MEI4: variants seen among roughly 807,000 people sequenced by gnomAD.
The protein encoded by MEI4 is meiosis-specific protein MEI4.
A neutral mutation model predicts 31.4 loss-of-function variants in MEI4; 27 were observed. That is an observed-to-expected ratio of 0.86 (90% CI 0.63 to 1.19). The LOEUF is 1.19. Ranked by LOEUF, MEI4 falls within the 50% of genes most tolerant of loss-of-function variation. The pLI is 0.00. For synonymous variants in MEI4, 122 were observed against 145.4 expected, an observed-to-expected ratio of 0.84 and a Z score of 1.16; for missense variants, 329 against 398.9, an observed-to-expected ratio of 0.82 and a Z score of 1.49.
chr6:77,888,493 A>G (rs1771678927), intron 4 of MEI4, among the ~76,000 whole-genome samples: 2 of 152,026 alleles, frequency 1.3e-5, no homozygotes, highest in Admixed American at 1.3e-4. Context: ...TTGCTTCCAG[A>G]AGCAGGACTG....
intron 4 of MEI4, among the ~76,000 whole-genome samples, chr6:77,921,919 A>C (rs1364697396): frequency 6.6e-6 from 1 of 151,798 alleles, no homozygotes; most frequent in Non-Finnish European, 1.5e-5. Context: ...GTAACAGATA[A>C]AGTAACAGTG....
rs370015194 is a variant in MEI4, at chr6:77,783,149, C to G, written c.768+21484C>G. 6.6e-5 allele frequency among the ~76,000 whole-genome samples: 10 copies of G among 152,064 alleles called. No homozygotes were observed. The South Asian group carries it at 1.5e-3, about 22-fold the overall frequency. On this transcript the variant is annotated intron_variant, in intron 3 of 4. Transcript: ENST00000684080. ...AGTGATGACTATTTGAAAAATGGAG[C>G]CTTTCTGCCTTTTATTTCCTGGCAA...
intron 2 of MEI4, among the ~76,000 whole-genome samples, chr6:77,710,159 T>G (rs1023782297): frequency 6.6e-6 from 1 of 152,220 alleles, no homozygotes; most frequent in Non-Finnish European, 1.5e-5. Context: ...CATTTAACCT[T>G]TTTAACAGTA....
At chr6:77,823,019 A>C (rs1016328304) in intron 3 of MEI4, among the ~76,000 whole-genome samples, 1 of 152,146 alleles carries the variant, frequency 6.6e-6, no homozygotes, top group Non-Finnish European at 1.5e-5. Flanking sequence ...GATGACATTC[A>C]ATATTTGCTG....
chr6:77,696,775 C>T (rs1409697051), intron 2 of MEI4, among the ~76,000 whole-genome samples: 19 of 151,828 alleles, frequency 1.3e-4, no homozygotes, highest in Admixed American at 4.6e-4. Context: ...TGATGCTGGC[C>T]TCATAAAATG....
rs559505269 is a variant in MEI4, at chr6:77,854,804, A to T, written c.900+25742A>T. Among the ~76,000 whole-genome samples the T allele has an allele frequency of 1.4e-3, 213 of 152,044 alleles. 1 individual carries two copies. The highest frequency in any genetic ancestry group is 4.5e-3 in the African/African-American group (187 of 41,466). On this transcript the variant is annotated intron_variant, in intron 4 of 4. Transcript: ENST00000684080. ...CACTTGACTTATATTATCTCATTAA[A>T]CCTCAAAGCAACCGTCTGGTATAGG... is the stretch of plus-strand genomic sequence containing the variant.
At chr6:77,706,794 T>C (rs1006643483) in intron 2 of MEI4, among the ~76,000 whole-genome samples, 1 of 152,146 alleles carries the variant, frequency 6.6e-6, no homozygotes, top group Non-Finnish European at 1.5e-5. Context: ...TGACTCACCA[T>C]GTGATACACC....
intron 4 of MEI4, among the ~76,000 whole-genome samples, chr6:77,850,220 T>C (rs1237603397): frequency 6.6e-6 from 1 of 152,268 alleles, no homozygotes; most frequent in South Asian, 2.1e-4. Flanking sequence ...CCAAGGTAAT[T>C]TATAGATTCA....
intron 1 of MEI4, among the ~76,000 whole-genome samples, chr6:77,678,368 G>T (rs1485411263): frequency 6.6e-6 from 1 of 152,158 alleles, no homozygotes; most frequent in Non-Finnish European, 1.5e-5. Context: ...TAATTGGTTA[G>T]ATCTCAAATT....
intron 4 of MEI4, among the ~76,000 whole-genome samples, chr6:77,855,849 T>C (rs1168387358): frequency 3.9e-5 from 6 of 152,204 alleles, no homozygotes; most frequent in Non-Finnish European, 8.8e-5. Flanking sequence ...TAGTACTCTA[T>C]TAGAATATTC....
intron 4 of MEI4, among the ~76,000 whole-genome samples, chr6:77,846,708 G>A (rs1215444054): frequency 6.6e-6 from 1 of 152,160 alleles, no homozygotes; most frequent in Non-Finnish European, 1.5e-5. Flanking sequence ...GCAGGTTGTG[G>A]CACTTGTGTT....
upstream of MEI4, among the ~76,000 whole-genome samples, chr6:77,650,870 G>T (rs917271474): frequency 1.3e-5 from 2 of 152,178 alleles, no homozygotes; most frequent in Admixed American, 1.3e-4. Context: ...CCACCAAAAT[G>T]GTTCCTGAGC....
intron 4 of MEI4, among the ~76,000 whole-genome samples, chr6:77,914,315 C>A (rs190597623): frequency 0.017 from 2,511 of 152,016 alleles, 32 homozygotes; most frequent in Non-Finnish European, 0.024. Context: ...TGTTTCAAGA[C>A]ATTTTTTAAT....
chr6:77,697,294 C>G (rs1308746908), intron 2 of MEI4, among the ~76,000 whole-genome samples: 2 of 152,052 alleles, frequency 1.3e-5, no homozygotes, highest in Non-Finnish European at 2.9e-5. Context: ...TTAGTTATTT[C>G]TTGCCTTCTG....
intron 1 of MEI4, among the ~76,000 whole-genome samples, chr6:77,653,540 T>C (rs1227346733): frequency 6.6e-6 from 1 of 152,212 alleles, no homozygotes; most frequent in Non-Finnish European, 1.5e-5. Context: ...TGCATTTATA[T>C]AGCACCTGAG....
upstream of MEI4, among the ~76,000 whole-genome samples, chr6:77,651,960 A>G (rs1486994587): frequency 6.6e-6 from 1 of 152,208 alleles, no homozygotes; most frequent in Non-Finnish European, 1.5e-5. Context: ...TTTAGTGTGT[A>G]TGAGGATGTT....
At chr6:77,861,480 C>T (rs1239023096) in intron 4 of MEI4, among the ~76,000 whole-genome samples, 2 of 152,058 alleles carry the variant, frequency 1.3e-5, no homozygotes, top group East Asian at 3.9e-4. Flanking sequence ...TTTATGTCAA[C>T]ATAGATTAAA....
At chr6:77,673,053 C>T (rs1768777830) in intron 1 of MEI4, among the ~76,000 whole-genome samples, 2 of 152,100 alleles carry the variant, frequency 1.3e-5, no homozygotes, top group African/African-American at 4.8e-5. Flanking sequence ...AACATTTGGG[C>T]ACAGAATTGA....
At chr6:77,915,179 T>C (rs936900271) in intron 4 of MEI4, among the ~76,000 whole-genome samples, 1 of 152,056 alleles carries the variant, frequency 6.6e-6, no homozygotes, top group African/African-American at 2.4e-5. Flanking sequence ...CAGTTTTCTG[T>C]ATCGGTAACA....
Sources: gnomAD v4.1 joint callset for allele counts (sites outside exome capture counted in the v4.1 genomes callset) on GRCh38, gnomAD v4.1.1 for gene constraint, MANE v1.5 for transcripts, NCBI Gene and HGNC (gene_info 2026-07-23, HGNC 2026-07-21) for gene names.